Variants in OCA2 observed in about 807,000 individuals in gnomAD.
OCA2 encodes P protein.
OCA2 carries 77 observed loss-of-function variants against 100.2 expected under a neutral mutation model. The observed-to-expected ratio is 0.77, with a 90% CI of 0.64 to 0.93. OCA2 has a LOEUF of 0.93. Ranked by LOEUF, OCA2 falls within the 40% of genes least tolerant of loss-of-function variation. OCA2 has a pLI of 0.00. For synonymous variants in OCA2, 432 were observed against 439.2 expected (o/e 0.98, Z 0.21); for missense variants, 1,062 against 1,089.1 (o/e 0.98, Z 0.35).
intron 21 of OCA2, among the ~76,000 whole-genome samples, chr15:27,855,507 G>T (rs1440136994): frequency 6.6e-6 from 1 of 152,202 alleles, no homozygotes; most frequent in Non-Finnish European, 1.5e-5. Context: ...TAAGAGGCTT[G>T]GGCATCTCTC....
chr15:27,832,459 G>C (rs757497965), intron 23 of OCA2, among the ~76,000 whole-genome samples: 3 of 152,126 alleles, frequency 2.0e-5, no homozygotes, highest in Non-Finnish European at 4.4e-5. Context: ...TCCCTCCCCC[G>C]GGTGCCTTCC....
At chr15:27,910,773 C>T (rs1479191827) in intron 19 of OCA2, among the ~76,000 whole-genome samples, 4 of 151,396 alleles carry the variant, frequency 2.6e-5, no homozygotes, top group Admixed American at 6.6e-5. Flanking sequence ...CTAACCAATG[C>T]AGTGAAACCC....
At chr15:27,734,124 C>T in the OCA2 span, among the ~76,000 whole-genome samples, 1 of 146,506 alleles carries the variant, frequency 6.8e-6, no homozygotes, top group South Asian at 2.2e-4. Context: ...TACACCACTG[C>T]ACTCCAGATA....
chr15:28,058,495 G>T (rs1033787710), intron 2 of OCA2, among the ~76,000 whole-genome samples: 5 of 132,704 alleles, frequency 3.8e-5, no homozygotes, highest in Non-Finnish European at 7.8e-5. Context: ...CCTGGCTCAG[G>T]CCCCACCACC....
chr15:28,052,165 G>A (rs1220065570), intron 2 of OCA2, among the ~76,000 whole-genome samples: 12 of 152,090 alleles, frequency 7.9e-5, no homozygotes, highest in Admixed American at 7.9e-4. Context: ...GCTCAGCTTT[G>A]CTGTCCCTGC....
In OCA2 at chr15:27,969,733, T is replaced by C. The variant is rs78192363; in HGVS notation, c.1504-2911A>G. 4.6e-3 allele frequency among the ~76,000 whole-genome samples: 701 copies of C among 152,242 alleles called. 4 individuals carry two copies. Among genetic ancestry groups the C allele is most frequent in the Non-Finnish European group, 8.9e-3 (606 of 68,010 alleles). On this transcript the variant is annotated intron_variant, in intron 14 of 23. Coordinates refer to ENST00000354638, the MANE Select transcript of OCA2 (RefSeq NM_000275.3). ...CAATCAGATCAGAACATTCCCAGATTCATAATCTACATACATTTAAGGGGA... is the reference window on the plus strand; with the variant it reads ...CAATCAGATCAGAACATTCCCAGATCCATAATCTACATACATTTAAGGGGA...
chr15:27,727,717 A>G, the OCA2 span, among the ~76,000 whole-genome samples: 2 of 152,202 alleles, frequency 1.3e-5, no homozygotes, highest in Non-Finnish European at 2.9e-5. Flanking sequence ...TGAAGTGAGT[A>G]TTCTAAACGA....
At chr15:27,787,341 A>G (rs1259109630) in intron 23 of OCA2, among the ~76,000 whole-genome samples, 1 of 152,076 alleles carries the variant, frequency 6.6e-6, no homozygotes, top group Non-Finnish European at 1.5e-5. Context: ...CTAAATTTCA[A>G]TGTTTGATAG....
chr15:27,782,261 C>T (rs1481019496), intron 23 of OCA2, among the ~76,000 whole-genome samples: 1 of 152,188 alleles, frequency 6.6e-6, no homozygotes, highest in Non-Finnish European at 1.5e-5. Context: ...GATAGAGCAA[C>T]CTCAAATGAA....
At chr15:27,929,460 A>T (rs1031442422) in intron 18 of OCA2, among the ~76,000 whole-genome samples, 2 of 152,188 alleles carry the variant, frequency 1.3e-5, no homozygotes, top group African/African-American at 4.8e-5. Context: ...TTTTACTTTG[A>T]TCTGCTCACT....
At chr15:27,989,422 C>T (rs1303743188) in intron 11 of OCA2, among the ~76,000 whole-genome samples, 179 bp downstream of exon 11, 1 of 152,178 alleles carries the variant, frequency 6.6e-6, no homozygotes, top group Non-Finnish European at 1.5e-5. Context: ...CTCCCGCCCA[C>T]GAACCATAGC....
intron 23 of OCA2, among the ~76,000 whole-genome samples, chr15:27,757,977 A>T (rs1029962189): frequency 5.3e-5 from 8 of 152,232 alleles, no homozygotes; most frequent in African/African-American, 1.7e-4. Flanking sequence ...CAAATTAAAG[A>T]TGATAAAGCA....
At chr15:28,052,447 C>T (rs992524676) in intron 2 of OCA2, among the ~76,000 whole-genome samples, 3 of 152,194 alleles carry the variant, frequency 2.0e-5, no homozygotes, top group Non-Finnish European at 2.9e-5. Flanking sequence ...CCGTTCATGA[C>T]CCTTCCAAAC....
At chr15:27,905,599 G>A (rs2140217738) in intron 19 of OCA2, among the ~76,000 whole-genome samples, 1 of 152,336 alleles carries the variant, frequency 6.6e-6, no homozygotes, top group South Asian at 2.1e-4. Context: ...GAGCAAAGAG[G>A]AAGGGAAAGC....
intron 19 of OCA2, among the ~76,000 whole-genome samples, chr15:27,916,372 T>C (rs947424227): frequency 6.6e-6 from 1 of 152,068 alleles, no homozygotes; most frequent in Non-Finnish European, 1.5e-5. Context: ...AAAAAAGACA[T>C]TTCCTGCCTA....
rs776354621 is a variant in OCA2 at position 27,985,160 on chromosome 15, C to T, written c.1268G>A (p.Trp423Ter). The T allele has an allele frequency of 6.2e-7, 1 of 1,613,886 alleles. No homozygotes were observed. The highest frequency in any genetic ancestry group is 1.7e-5 in the Admixed American group (1 of 60,030). Residue 423 changes from tryptophan (W) to a stop codon, truncating the protein, a stop_gained, in exon 13 of 24, where the codon TGG becomes TAG. Coordinates refer to ENST00000354638, the MANE Select transcript of OCA2 (RefSeq NM_000275.3). LOFTEE classifies it high-confidence loss of function. ...GAGACAGAGCATGATGATCATGGCC[C>T]ACACCCGTCCCCGGGAGAGCCGGTA... ...KAYRLSRGRV[W>*]AMIIMLCLIA...
chr15:27,980,627 C>A (rs945485478), intron 14 of OCA2, among the ~76,000 whole-genome samples: 2 of 152,082 alleles, frequency 1.3e-5, no homozygotes, highest in Admixed American at 1.3e-4. Context: ...GTTTTTTGTA[C>A]ATAAGAAAAA....
rs574254278 is a variant in OCA2, at chr15:27,987,501, C to T, written c.1183-858G>A. On this transcript the variant is annotated intron_variant, in intron 11 of 23. Transcript: ENST00000354638. The stretch of plus-strand genomic sequence containing the variant: ...TTGGGAGGCCAAGGCGGGCGGATCA[C>T]GAGATCAGGAGATCGAGACCCTCCT... Among the ~76,000 whole-genome samples the T allele has an allele frequency of 7.3e-5, 11 of 151,258 alleles. No homozygotes were observed. The East Asian group carries it at 2.1e-3, about 30-fold the overall frequency.
the OCA2 span, among the ~76,000 whole-genome samples, chr15:27,722,718 CTCTTTCTTCTT>C: frequency 1.1e-5 from 1 of 93,060 alleles, no homozygotes; most frequent in Non-Finnish European, 2.5e-5. Context: ...CTTTCTTTCT[CTCTTTCTTCTT>C]TCTTTCTTTC....
Sources: allele counts gnomAD v4.1 joint callset (sites outside exome capture counted in the v4.1 genomes callset), GRCh38; gene constraint gnomAD v4.1.1; transcripts MANE v1.5; gene names NCBI Gene and HGNC (gene_info 2026-07-23, HGNC 2026-07-21).